The following CHST12 variants were observed in gnomAD, a reference collection of about 807,000 sequenced individuals.
CHST12 encodes carbohydrate (chondroitin 4) sulfotransferase 12.
Under a neutral mutation model 27.9 loss-of-function variants are expected in CHST12, and 23 were observed. The ratio of observed to expected loss-of-function variants is 0.82; its 90% CI spans 0.59 to 1.17. CHST12 has a LOEUF of 1.17. Ranked by LOEUF, CHST12 falls within the 50% of genes most tolerant of loss-of-function variation. The pLI, the probability that CHST12 is intolerant of heterozygous loss-of-function variation, is 0.00. For synonymous variants in CHST12, 322 were observed against 273.0 expected (o/e 1.18, Z -1.77); for missense variants, 682 against 603.0 (o/e 1.13, Z -1.37).
At position 2,422,128 on chromosome 7, in the gene CHST12, G is replaced by A. The variant is rs532329174; in HGVS notation, c.-77-10435G>A. Among the ~76,000 whole-genome samples the A allele has an allele frequency of 3.3e-5, 5 of 152,284 alleles. No individual in the cohort carries two copies. The East Asian group carries it at 7.7e-4, about 23-fold the overall frequency. On this transcript the variant is annotated intron_variant, in intron 1 of 1. Transcript: ENST00000618655. Reference sequence around the variant, plus strand: ...CTGGCCTCTGGCGTCTGCCTATGTCGGCGATGTGACTGACTCCCCTGCAGC... The same window carrying A: ...CTGGCCTCTGGCGTCTGCCTATGTCAGCGATGTGACTGACTCCCCTGCAGC...
At chr7:2,427,435 A>G (rs1356314798) in intron 1 of CHST12, among the ~76,000 whole-genome samples, 1 of 151,580 alleles carries the variant, frequency 6.6e-6, no homozygotes, top group Non-Finnish European at 1.5e-5. Context: ...TAGGAGGTCA[A>G]GGCTGCAGTG....
chr7:2,411,009 G>C (rs757665286), intron 1 of CHST12, among the ~76,000 whole-genome samples: 4 of 152,062 alleles, frequency 2.6e-5, no homozygotes, highest in Non-Finnish European at 5.9e-5. Flanking sequence ...GTGGGGTGTA[G>C]GTAGGGCAGA....
intron 1 of CHST12, among the ~76,000 whole-genome samples, chr7:2,410,037 A>T (rs77867789): frequency 0.016 from 2,495 of 151,988 alleles, 39 homozygotes; most frequent in South Asian, 0.088. Flanking sequence ...CTGTTTCCTG[A>T]GTTCAAGCAA....
chr7:2,421,592 A>T (rs1781978599), intron 1 of CHST12, among the ~76,000 whole-genome samples: 1 of 152,062 alleles, frequency 6.6e-6, no homozygotes, highest in African/African-American at 2.4e-5. Flanking sequence ...GTACACCACC[A>T]TGCCAGGCTA....
chr7:2,415,606 C>A (rs1469360398), intron 1 of CHST12, among the ~76,000 whole-genome samples: 1 of 149,742 alleles, frequency 6.7e-6, no homozygotes, highest in African/African-American at 2.4e-5. Flanking sequence ...ATGGCAATTT[C>A]TTTTCTTTTT....
Position 2,447,424 on chromosome 7 carries a change from CT to C in CHST12, c.*13542del, listed in dbSNP as rs780243315. ...CATTTCCCATACCCCCTCAAAGGTA[CT>C]TCTTGCTGTGGTCCCCACACTCTGA... On this transcript the variant is annotated 3_prime_UTR_variant, in exon 2 of 2. Coordinates refer to ENST00000618655, the MANE Select transcript of CHST12 (RefSeq NM_018641.5). The C allele has an allele frequency of 2.0e-5, 3 of 152,290 alleles. No individual in the cohort carries two copies. Among genetic ancestry groups the C allele is most frequent in the Non-Finnish European group, 4.4e-5 (3 of 68,084 alleles). 9.4% of individuals were successfully genotyped at this position (152,290 alleles called of 1,614,324 possible). A position where few individuals can be genotyped will look rare whatever the true frequency, so the allele number is the denominator to read the frequency against.
rs1782479598 is a variant in CHST12 at position 2,436,531 on chromosome 7, A to C, written c.*2647A>C. The C allele has an allele frequency of 6.6e-6, 1 of 152,216 alleles. No homozygotes were observed. Among genetic ancestry groups the C allele is most frequent in the South Asian group, 2.1e-4 (1 of 4,826 alleles). The allele number at this position is 152,216 out of a possible 1,614,324, so 9.4% of individuals were successfully genotyped here. ...TCTGTTCATCAGTTGGTGGACACTG[A>C]GTTGCTTCTGCCTTCCTGCGAATGT... On this transcript the variant is annotated 3_prime_UTR_variant, in exon 2 of 2. Coordinates refer to ENST00000618655, the MANE Select transcript of CHST12 (RefSeq NM_018641.5).
rs77181176 is a variant in CHST12, at chr7:2,425,692, T to G, written c.-77-6871T>G. On this transcript the variant is annotated intron_variant, in intron 1 of 1. Coordinates refer to ENST00000618655, the MANE Select transcript of CHST12 (RefSeq NM_018641.5). ...AAATGCAAAATAGCACTGCATTTGCTTTTTTTTTTTTTTGTCTTTTGTCAA... is the reference window on the plus strand; with the variant it reads ...AAATGCAAAATAGCACTGCATTTGCGTTTTTTTTTTTTTGTCTTTTGTCAA... 1.1e-4 allele frequency among the ~76,000 whole-genome samples: 15 copies of G among 131,918 alleles called. No homozygotes were observed. The East Asian group carries it at 3.1e-3, about 27-fold the overall frequency. 86.5% of individuals were successfully genotyped at this position (131,918 alleles called of 152,430 possible). A position where few individuals can be genotyped will look rare whatever the true frequency, so the allele number is the denominator to read the frequency against.
Position 2,433,539 on chromosome 7 carries a change from C to A in CHST12, c.900C>A (p.Phe300Leu). ...TCCGCGCTGGCCTCAAGGTGTCCTT[C>A]GCCAACTTCATCCAGTACCTGCTGG... is the stretch of plus-strand genomic sequence containing the variant. ...EAFRAGLKVS[F>L]ANFIQYLLDP... Residue 300 changes from phenylalanine to leucine, a missense_variant, in exon 2 of 2, where the codon TTC becomes TTA. Phe to Leu is a conservative substitution (Grantham distance 22). Transcript: ENST00000618655. This position sits in a 1 kb window ranked among gnomAD's most constrained non-coding sequence, Gnocchi z 6.1. The A allele has an allele frequency of 6.2e-7, 1 of 1,613,218 alleles. No homozygotes were observed. The highest frequency in any genetic ancestry group is 1.1e-5 in the South Asian group (1 of 91,086).
rs545559347 is a variant in CHST12, at chr7:2,438,382, G to A, written c.*4498G>A. On this transcript the variant is annotated 3_prime_UTR_variant, in exon 2 of 2. Transcript: ENST00000618655. ...CCGCCTGTATGGAGGCAGCCCAGGG[G>A]AGCGGCTGAGACTCTTGGCAGAGAG... The A allele has an allele frequency of 3.9e-5, 6 of 152,346 alleles. No individual in the cohort carries two copies. The highest frequency in any genetic ancestry group is 1.2e-4 in the African/African-American group (5 of 41,550). 9.4% of individuals were successfully genotyped at this position (152,346 alleles called of 1,614,324 possible).
chr7:2,431,047 A>G (rs1329029800), intron 1 of CHST12, among the ~76,000 whole-genome samples: 2 of 151,824 alleles, frequency 1.3e-5, no homozygotes, highest in Non-Finnish European at 2.9e-5. Context: ...ATCCTTGCTG[A>G]TTTTCTGCCT....
At chr7:2,408,346 G>A (rs574747247) in intron 1 of CHST12, among the ~76,000 whole-genome samples, 3 of 134,568 alleles carry the variant, frequency 2.2e-5, no homozygotes, top group African/African-American at 9.1e-5. Flanking sequence ...CGGGCAACAA[G>A]GGTGAGACTC....
chr7:2,433,251 C>T lies in CHST12; in HGVS notation c.612C>T (p.Arg204=), dbSNP rs1174232597. The T allele has an allele frequency of 3.7e-6, 6 of 1,611,384 alleles. No homozygotes were observed. In the African/African-American group the frequency reaches 4.0e-5, roughly 11 times the overall value. ...APYRDPLRIP[R]EHVHNASAHL... is the part of the protein sequence containing the mutation. ...ACCGCGACCCGCTGCGCATCCCGCG[C>T]GAGCACGTGCACAACGCCAGCGCGC... Residue 204 remains arginine, a synonymous_variant, in exon 2 of 2, where the codon CGC becomes CGT. Coordinates refer to ENST00000618655, the MANE Select transcript of CHST12 (RefSeq NM_018641.5). This position sits in a 1 kb window ranked among gnomAD's most constrained non-coding sequence, Gnocchi z 6.1.
At chr7:2,425,037 C>T (rs953878832) in intron 1 of CHST12, among the ~76,000 whole-genome samples, 6 of 152,070 alleles carry the variant, frequency 3.9e-5, no homozygotes, top group African/African-American at 1.2e-4. Flanking sequence ...GAAACTCCAT[C>T]TCTACTAAAA....
intron 1 of CHST12, among the ~76,000 whole-genome samples, chr7:2,416,217 A>C (rs112671198): frequency 5.2e-4 from 79 of 152,316 alleles, no homozygotes; most frequent in African/African-American, 1.8e-3. Flanking sequence ...TCAGCTTTGA[A>C]CATGAGATTG....
At chr7:2,426,847 C>A (rs1172556922) in intron 1 of CHST12, among the ~76,000 whole-genome samples, 2 of 151,832 alleles carry the variant, frequency 1.3e-5, no homozygotes, top group Non-Finnish European at 2.9e-5. Context: ...AAAAATTAGC[C>A]GGGTGTCAGG....
intron 1 of CHST12, among the ~76,000 whole-genome samples, chr7:2,419,074 A>AAAT (rs1228838614): frequency 6.6e-6 from 1 of 152,220 alleles, no homozygotes; most frequent in Non-Finnish European, 1.5e-5. Context: ...CTGGGATCAC[A>AAAT]GGCATGAACC....
chr7:2,420,803 T>C (rs1781954005), intron 1 of CHST12, among the ~76,000 whole-genome samples: 1 of 152,098 alleles, frequency 6.6e-6, no homozygotes, highest in Admixed American at 6.6e-5. Flanking sequence ...AACAACAACC[T>C]TGCTTTCAGT....
chr7:2,424,438 A>T (rs1286677391), intron 1 of CHST12, among the ~76,000 whole-genome samples: 6 of 152,004 alleles, frequency 3.9e-5, no homozygotes, highest in Non-Finnish European at 7.4e-5. Flanking sequence ...GGTTCATTTA[A>T]TGAGAATCTG....
Sources: allele counts gnomAD v4.1 joint callset (sites outside exome capture counted in the v4.1 genomes callset), GRCh38; gene constraint gnomAD v4.1.1; non-coding constraint Gnocchi (gnomAD v3.1); transcripts MANE v1.5; gene names NCBI Gene and HGNC (gene_info 2026-07-23, HGNC 2026-07-21).